Variants in WWOX observed in about 807,000 individuals in gnomAD.
WWOX encodes the protein WW domain containing oxidoreductase, also known as WW domain-containing oxidoreductase.
In WWOX, 69 loss-of-function variants were observed where a neutral mutation model predicts 46.2. The observed-to-expected ratio is 1.49, with a 90% CI of 1.23 to 1.82. WWOX has a LOEUF of 1.82. Among genes scored for constraint, WWOX ranks in the 40% most tolerant of loss-of-function variants. WWOX has a pLI of 0.00. For synonymous variants in WWOX, 359 were observed against 202.6 expected, an observed-to-expected ratio of 1.77 and a Z score of -6.56; for missense variants, 919 against 542.6, an observed-to-expected ratio of 1.69 and a Z score of -6.89.
chr16:78,849,179 A>G (rs1014035903), intron 8 of WWOX, among the ~76,000 whole-genome samples: 7 of 152,162 alleles, frequency 4.6e-5, no homozygotes, highest in Non-Finnish European at 7.3e-5. Flanking sequence ...GCCCAAACAT[A>G]CAAGAGTCAA....
intron 8 of WWOX, among the ~76,000 whole-genome samples, chr16:78,466,673 C>T (rs916345867): frequency 6.6e-6 from 1 of 152,050 alleles, no homozygotes; most frequent in African/African-American, 2.4e-5. Flanking sequence ...CTACTATAAA[C>T]TCCGTCTCTA....
At chr16:79,085,174 G>A (rs528008758) in intron 8 of WWOX, among the ~76,000 whole-genome samples, 17 of 152,128 alleles carry the variant, frequency 1.1e-4, no homozygotes, top group Non-Finnish European at 1.8e-4. Context: ...AAACACGGGA[G>A]TACCATTTCT....
chr16:78,619,864 C>G (rs988255966), intron 8 of WWOX, among the ~76,000 whole-genome samples: 1 of 152,000 alleles, frequency 6.6e-6, no homozygotes, highest in Non-Finnish European at 1.5e-5. Context: ...CACCGTTGTA[C>G]TCCATCTAGC....
intron 8 of WWOX, among the ~76,000 whole-genome samples, chr16:78,951,705 G>T (rs936815445): frequency 2.6e-5 from 4 of 152,180 alleles, no homozygotes; most frequent in African/African-American, 9.7e-5. Context: ...CAGTACCGGG[G>T]AACCAGGTGA....
chr16:78,129,243 A>C (rs1276002467), intron 4 of WWOX, among the ~76,000 whole-genome samples: 1 of 152,048 alleles, frequency 6.6e-6, no homozygotes, highest in African/African-American at 2.4e-5. Flanking sequence ...GTGTGTCATC[A>C]TCGCGACGCT....
rs1033307005 is a variant in WWOX, at chr16:78,870,920, T to G, written c.1057-340688T>G. The stretch of plus-strand genomic sequence containing the variant: ...CCCGGCCTAATCTAATCAGTTCCTT[T>G]AAATCTGAAACTGTCTGCCTGATTC... On this transcript the variant is annotated intron_variant, in intron 8 of 8. Transcript: ENST00000566780. Among the ~76,000 whole-genome samples the G allele has an allele frequency of 3.3e-5, 5 of 152,260 alleles. No individual in the cohort carries two copies. In the Middle Eastern group the frequency reaches 0.01, roughly 311 times the overall value.
At chr16:78,347,282 A>C (rs945469935) in intron 5 of WWOX, among the ~76,000 whole-genome samples, 1 of 114,064 alleles carries the variant, frequency 8.8e-6, no homozygotes. Flanking sequence ...CCTCTGGCCA[A>C]TGCTCCTTCC....
chr16:78,824,426 T>G (rs540847752), intron 8 of WWOX, among the ~76,000 whole-genome samples: 1 of 152,328 alleles, frequency 6.6e-6, no homozygotes, highest in Admixed American at 6.5e-5. Flanking sequence ...CAATATGTAT[T>G]GCTCACTTGG....
intron 8 of WWOX, among the ~76,000 whole-genome samples, chr16:79,052,190 TC>T (rs1335101680): frequency 1.3e-5 from 2 of 149,492 alleles, no homozygotes. Flanking sequence ...CCCTCCCCCT[TC>T]CCCCCACCCC....
chr16:78,806,415 G>C (rs1191216737), intron 8 of WWOX, among the ~76,000 whole-genome samples: 1 of 152,204 alleles, frequency 6.6e-6, no homozygotes, highest in Non-Finnish European at 1.5e-5. Context: ...GGAATCTGTA[G>C]TTTCAGCAGG....
chr16:78,672,869 T>C lies in WWOX; in HGVS notation c.1056+240117T>C, dbSNP rs57833301. Among the ~76,000 whole-genome samples the C allele has an allele frequency of 2.1e-3, 327 of 152,300 alleles. 1 individual carries two copies. The highest frequency in any genetic ancestry group is 7.5e-3 in the African/African-American group (311 of 41,562). On this transcript the variant is annotated intron_variant, in intron 8 of 8. Coordinates refer to ENST00000566780, the MANE Select transcript of WWOX (RefSeq NM_016373.4). Reference sequence around the variant, plus strand: ...TAAAATAGAATCATCGCCTTGGTGATGGATAGAAAAAGTAAAGCAATACAT... The same window carrying C: ...TAAAATAGAATCATCGCCTTGGTGACGGATAGAAAAAGTAAAGCAATACAT...
intron 8 of WWOX, among the ~76,000 whole-genome samples, chr16:79,137,040 C>G (rs2049995178): frequency 6.6e-6 from 1 of 152,180 alleles, no homozygotes; most frequent in Non-Finnish European, 1.5e-5. Context: ...TTACCATAAA[C>G]TGCCAAGGGT....
chr16:79,171,890 A>G (rs556401428), intron 8 of WWOX, among the ~76,000 whole-genome samples: 29 of 152,320 alleles, frequency 1.9e-4, no homozygotes, highest in African/African-American at 7.0e-4. Context: ...AAAATCTGAA[A>G]TCCCAGGAAG....
chr16:78,388,350 A>T (rs564753448), intron 6 of WWOX, among the ~76,000 whole-genome samples: 1 of 152,130 alleles, frequency 6.6e-6, no homozygotes, highest in Non-Finnish European at 1.5e-5. Flanking sequence ...TATTAGATTT[A>T]AAAAGTTTGC....
At chr16:78,486,096 G>A (rs1004937689) in intron 8 of WWOX, among the ~76,000 whole-genome samples, 1 of 152,154 alleles carries the variant, frequency 6.6e-6, no homozygotes, top group Non-Finnish European at 1.5e-5. Context: ...TATGTGAGGG[G>A]GTGTGTGGTG....
chr16:78,132,322 G>A (rs896190283), intron 4 of WWOX, among the ~76,000 whole-genome samples: 5 of 152,078 alleles, frequency 3.3e-5, no homozygotes, highest in South Asian at 2.1e-4. Context: ...CACCACGCCC[G>A]GCCTTGATTT....
At chr16:78,739,703 G>A (rs781634393) in intron 8 of WWOX, among the ~76,000 whole-genome samples, 4 of 152,014 alleles carry the variant, frequency 2.6e-5, no homozygotes, top group African/African-American at 9.7e-5. Context: ...CCCAGCTACT[G>A]CAGAGGCTGA....
chr16:78,932,257 A>C lies in WWOX; in HGVS notation c.1057-279351A>C, dbSNP rs544006472. Among the ~76,000 whole-genome samples, 180 of 152,238 alleles carry C rather than the reference A, an allele frequency of 1.2e-3. 7 individuals carry two copies. In the South Asian group the frequency reaches 0.034, roughly 29 times the overall value. On this transcript the variant is annotated intron_variant, in intron 8 of 8. Coordinates refer to ENST00000566780, the MANE Select transcript of WWOX (RefSeq NM_016373.4). ...TATTGTATCCAATTCTTCAGAAGGG[A>C]TGAAGGTATCTGGTCCTGTCCGCAA...
intron 8 of WWOX, among the ~76,000 whole-genome samples, chr16:79,080,178 C>G (rs906346162): frequency 6.6e-6 from 1 of 152,060 alleles, no homozygotes; most frequent in African/African-American, 2.4e-5. Flanking sequence ...CATCAGGATA[C>G]CAGAGAATCC....
Sources: gnomAD v4.1 joint callset for allele counts (sites outside exome capture counted in the v4.1 genomes callset) on GRCh38, gnomAD v4.1.1 for gene constraint, MANE v1.5 for transcripts, NCBI Gene and HGNC (gene_info 2026-07-23, HGNC 2026-07-21) for gene names.